ACYP2: variants seen among roughly 807,000 people sequenced by gnomAD.
ACYP2 encodes the protein acylphosphatase-2.
In ACYP2, 12 loss-of-function variants were observed where a neutral mutation model predicts 11.2. The observed-to-expected ratio is 1.08, with a 90% CI of 0.69 to 1.74. The LOEUF is 1.74. ACYP2 is among the 40% of genes most tolerant of loss of function. The probability of loss-of-function intolerance (pLI) is 0.00; values close to 1 mark genes in which losing one functional copy is unlikely to be tolerated. For synonymous variants in ACYP2, 43 were observed against 32.2 expected, an observed-to-expected ratio of 1.33 and a Z score of -1.13; for missense variants, 134 against 101.9, an observed-to-expected ratio of 1.31 and a Z score of -1.35.
chr2:54,288,067 A>G (rs975806744), intron 6 of ACYP2, among the ~76,000 whole-genome samples: 1 of 151,926 alleles, frequency 6.6e-6, no homozygotes, highest in South Asian at 2.1e-4. Flanking sequence ...TGTAGCCACA[A>G]TTTAGAGAGG....
chr2:54,232,539 G>A (rs560633325), intron 6 of ACYP2, among the ~76,000 whole-genome samples: 1 of 152,280 alleles, frequency 6.6e-6, no homozygotes, highest in South Asian at 2.1e-4. Flanking sequence ...GAGGTGAAAT[G>A]GGTACAGGAA....
chr2:54,252,461 A>C (rs192252149), intron 6 of ACYP2, among the ~76,000 whole-genome samples: 1 of 152,134 alleles, frequency 6.6e-6, no homozygotes, highest in Non-Finnish European at 1.5e-5. Context: ...CTGCCAAACA[A>C]CTTTCTAAAG....
At chr2:54,136,485 G>A (rs1230737512) in intron 5 of ACYP2, among the ~76,000 whole-genome samples, 3 of 152,040 alleles carry the variant, frequency 2.0e-5, no homozygotes. Flanking sequence ...TCTATTATGA[G>A]GCAGCCCCAT....
intron 2 of ACYP2, among the ~76,000 whole-genome samples, chr2:54,047,512 C>T (rs1457584434): frequency 6.6e-6 from 1 of 152,128 alleles, no homozygotes; most frequent in Non-Finnish European, 1.5e-5. Flanking sequence ...CAAAAAATAT[C>T]ACCAGACCCA....
chr2:54,247,643 C>T (rs1047689689), intron 6 of ACYP2, among the ~76,000 whole-genome samples: 1 of 152,128 alleles, frequency 6.6e-6, no homozygotes, highest in Non-Finnish European at 1.5e-5. Flanking sequence ...ATTTTAGATT[C>T]ACCTGTGTCA....
At position 53,972,387 on chromosome 2, in the gene ACYP2, A is replaced by T. The variant is rs535079440; in HGVS notation, c.-37+1066A>T. ...TTTGGGAGGCCGAGGCGGGTGGATC[A>T]CGGGGTCAGGAGATGGAGACCATCC... On this transcript the variant is annotated intron_variant, in intron 1 of 6. Coordinates refer to ENST00000607452, the MANE Select transcript of ACYP2 (RefSeq NM_001320586.2). Among the ~76,000 whole-genome samples the T allele has an allele frequency of 1.2e-3, 182 of 151,592 alleles. No individual in the cohort carries two copies. The Middle Eastern group carries it at 0.014, about 11-fold the overall frequency.
intron 6 of ACYP2, among the ~76,000 whole-genome samples, chr2:54,158,492 C>T (rs979926478): frequency 1.3e-5 from 2 of 152,100 alleles, no homozygotes; most frequent in African/African-American, 4.8e-5. Context: ...AGGCATGAGC[C>T]ACTGCACCCA....
chr2:54,209,367 C>G (rs1467210663), intron 6 of ACYP2, among the ~76,000 whole-genome samples: 1 of 152,068 alleles, frequency 6.6e-6, no homozygotes, highest in Non-Finnish European at 1.5e-5. Flanking sequence ...CCTGTCCATC[C>G]TAGAATTGTT....
intron 6 of ACYP2, among the ~76,000 whole-genome samples, chr2:54,146,386 C>T (rs1681883468): frequency 6.6e-6 from 1 of 151,746 alleles, no homozygotes; most frequent in African/African-American, 2.4e-5. Flanking sequence ...ATTTCCTTCC[C>T]TATCTCTTTT....
intron 6 of ACYP2, among the ~76,000 whole-genome samples, chr2:54,162,519 T>C (rs559991124): frequency 1.3e-4 from 20 of 152,224 alleles, no homozygotes; most frequent in Non-Finnish European, 2.2e-4. Flanking sequence ...ACCATGGATA[T>C]CACCTGGAAG....
At chr2:54,028,764 C>G (rs1056512607) in intron 2 of ACYP2, among the ~76,000 whole-genome samples, 2 of 152,174 alleles carry the variant, frequency 1.3e-5, no homozygotes, top group Middle Eastern at 3.2e-3. Context: ...TCTCCCTTTC[C>G]CCTAAAAAGA....
chr2:54,033,605 A>C (rs576630866), intron 2 of ACYP2, among the ~76,000 whole-genome samples: 128 of 152,154 alleles, frequency 8.4e-4, no homozygotes, highest in Non-Finnish European at 1.7e-3. Flanking sequence ...TGTGTGAGAA[A>C]CACTGGTGTA....
intron 6 of ACYP2, among the ~76,000 whole-genome samples, chr2:54,207,086 T>A (rs2103922185): frequency 6.6e-6 from 1 of 151,848 alleles, no homozygotes; most frequent in South Asian, 2.1e-4. Context: ...TCTGTATATA[T>A]GTTTATATAG....
intron 6 of ACYP2, among the ~76,000 whole-genome samples, chr2:54,199,698 A>G (rs1269847153): frequency 6.6e-6 from 1 of 152,204 alleles, no homozygotes; most frequent in Admixed American, 6.5e-5. Flanking sequence ...TAGGAGAAAT[A>G]ATTTTTGAAG....
At chr2:54,099,920 A>G (rs1406569808) in intron 4 of ACYP2, among the ~76,000 whole-genome samples, 1 of 152,106 alleles carries the variant, frequency 6.6e-6, no homozygotes, top group Non-Finnish European at 1.5e-5. Context: ...ACAATGCGCA[A>G]TGTTCCCTTT....
chr2:54,053,092 T>C (rs1573615408), intron 3 of ACYP2, among the ~76,000 whole-genome samples: 1 of 152,242 alleles, frequency 6.6e-6, no homozygotes, highest in South Asian at 2.1e-4. Flanking sequence ...GCTTGTTGGC[T>C]GGACCCCTGA....
chr2:54,118,052 T>G (rs1236014971), intron 4 of ACYP2, among the ~76,000 whole-genome samples: 1 of 152,226 alleles, frequency 6.6e-6, no homozygotes, highest in African/African-American at 2.4e-5. Flanking sequence ...GTTACTTCAC[T>G]TAGGATAACA....
intron 6 of ACYP2, among the ~76,000 whole-genome samples, chr2:54,147,499 T>G (rs1165485248): frequency 6.6e-6 from 1 of 151,946 alleles, no homozygotes; most frequent in Non-Finnish European, 1.5e-5. Flanking sequence ...GTTTACTGTA[T>G]AGTTACTCCT....
chr2:54,126,597 C>CAAAAAAAA (rs34045950), intron 4 of ACYP2, among the ~76,000 whole-genome samples: 1 of 109,652 alleles, frequency 9.1e-6, no homozygotes, highest in Non-Finnish European at 1.8e-5. Context: ...GTCAAATTTG[C>CAAAAAAAA]AAAAAAAAAA....
Sources: gnomAD v4.1 joint callset for allele counts (sites outside exome capture counted in the v4.1 genomes callset) on GRCh38, gnomAD v4.1.1 for gene constraint, MANE v1.5 for transcripts, NCBI Gene and HGNC (gene_info 2026-07-23, HGNC 2026-07-21) for gene names.